RNF217: variants seen among roughly 807,000 people sequenced by gnomAD.
RNF217 encodes E3 ubiquitin-protein ligase RNF217.
RNF217 carries 31 observed loss-of-function variants against 57.8 expected under a neutral mutation model. The ratio of observed to expected loss-of-function variants is 0.54; its 90% CI spans 0.40 to 0.72. The LOEUF is 0.72. RNF217 is among the 30% of genes least tolerant of loss of function. The pLI is 0.00. For synonymous variants in RNF217, 313 were observed against 294.0 expected, an observed-to-expected ratio of 1.06 and a Z score of -0.66; for missense variants, 696 against 708.3, an observed-to-expected ratio of 0.98 and a Z score of 0.20.
At chr6:124,990,162 T>C (rs1306597470) in intron 1 of RNF217, among the ~76,000 whole-genome samples, 2 of 152,252 alleles carry the variant, frequency 1.3e-5, no homozygotes, top group African/African-American at 4.8e-5. Context: ...TTCATTTTCT[T>C]CATTCCACAC....
chr6:125,060,557 G>T (rs1427921826), intron 3 of RNF217, among the ~76,000 whole-genome samples: 1 of 152,062 alleles, frequency 6.6e-6, no homozygotes, highest in Non-Finnish European at 1.5e-5. Flanking sequence ...CAATTCTCAT[G>T]CCTCAGCCTC....
At chr6:125,048,229 G>A (rs752737638) in intron 2 of RNF217, 5 of 1,356,526 alleles carry the variant, frequency 3.7e-6, no homozygotes, top group South Asian at 3.5e-5. Flanking sequence ...CCTGTACTGA[G>A]ACTAAGATCT....
At chr6:125,078,215 G>A (rs946971088) in intron 4 of RNF217, among the ~76,000 whole-genome samples, 2 of 152,118 alleles carry the variant, frequency 1.3e-5, no homozygotes, top group African/African-American at 4.8e-5. Context: ...GATAACTAGG[G>A]AATCTAACCT....
At chr6:125,068,830 T>G (rs1315084101) in intron 3 of RNF217, among the ~76,000 whole-genome samples, 1 of 152,144 alleles carries the variant, frequency 6.6e-6, no homozygotes, top group Non-Finnish European at 1.5e-5. Flanking sequence ...ATGAGTAGTA[T>G]TCTTTGGAAA....
At chr6:125,021,588 A>G (rs942366391) in intron 1 of RNF217, among the ~76,000 whole-genome samples, 3 of 152,120 alleles carry the variant, frequency 2.0e-5, no homozygotes, top group Non-Finnish European at 4.4e-5. Flanking sequence ...CTTATGTTAC[A>G]TGGAAAAGCA....
At chr6:124,982,241 C>G (rs184322423) in intron 1 of RNF217, among the ~76,000 whole-genome samples, 174 of 152,158 alleles carry the variant, frequency 1.1e-3, no homozygotes, top group Non-Finnish European at 2.0e-3. Flanking sequence ...TCCTTTCACA[C>G]TCATATTCAT....
chr6:124,977,174 A>T (rs1430084251), intron 1 of RNF217, among the ~76,000 whole-genome samples: 1 of 152,252 alleles, frequency 6.6e-6, no homozygotes, highest in Non-Finnish European at 1.5e-5. Flanking sequence ...ATAAAACATT[A>T]ACACTTTCTG....
At chr6:125,028,035 T>C (rs936674340) in intron 1 of RNF217, among the ~76,000 whole-genome samples, 4 of 152,196 alleles carry the variant, frequency 2.6e-5, no homozygotes, top group African/African-American at 9.6e-5. Context: ...TAATTTCTTA[T>C]CAGAGGAGTA....
At chr6:124,971,423 A>G (rs1783753611) in intron 1 of RNF217, 3 of 273,430 alleles carry the variant, frequency 1.1e-5, no homozygotes, top group Non-Finnish European at 1.5e-5. Context: ...TAGGAAAGCT[A>G]TGATTTGATT....
chr6:125,050,533 T>C (rs982171886), intron 2 of RNF217, among the ~76,000 whole-genome samples: 2 of 151,994 alleles, frequency 1.3e-5, no homozygotes, highest in Non-Finnish European at 2.9e-5. Flanking sequence ...TCTCATGTGG[T>C]AAAAGAATTT....
chr6:124,978,749 C>G (rs140470814), intron 1 of RNF217, among the ~76,000 whole-genome samples: 110 of 152,276 alleles, frequency 7.2e-4, no homozygotes, highest in Middle Eastern at 3.4e-3. Flanking sequence ...CATTTGTTCT[C>G]ACTGCCCACA....
intron 1 of RNF217, among the ~76,000 whole-genome samples, chr6:125,041,915 G>T (rs1786897326): frequency 6.6e-6 from 1 of 151,800 alleles, no homozygotes; most frequent in South Asian, 2.1e-4. Flanking sequence ...CACCAAGAAA[G>T]TAAAAACACT....
intron 1 of RNF217, among the ~76,000 whole-genome samples, chr6:124,980,973 C>T (rs1582664862): frequency 6.6e-6 from 1 of 152,130 alleles, no homozygotes; most frequent in Admixed American, 6.6e-5. Context: ...TTTAGAAGAA[C>T]ATAAACTCTG....
intron 4 of RNF217, among the ~76,000 whole-genome samples, chr6:125,080,571 G>A (rs567332490): frequency 2.6e-5 from 4 of 151,932 alleles, no homozygotes; most frequent in Non-Finnish European, 4.4e-5. Context: ...CATTTGAGTT[G>A]TGCGGCCCTG....
At chr6:125,002,315 T>G (rs1785020582) in intron 1 of RNF217, among the ~76,000 whole-genome samples, 1 of 152,118 alleles carries the variant, frequency 6.6e-6, no homozygotes. Flanking sequence ...AAGGAAACCA[T>G]GACCTCAAGC....
chr6:125,009,396 T>A lies in RNF217; in HGVS notation c.883-35815T>A, dbSNP rs1367752531. On this transcript the variant is annotated intron_variant, in intron 1 of 5. Transcript: ENST00000521654. ...CAGACATAGAGCCTGGAAGAGTAGA[T>A]TTTTTCACTTTCCTTGAGTATAAGT... The A allele has an allele frequency of 1.1e-5, 7 of 652,072 alleles. No individual in the cohort carries two copies. In the East Asian group the frequency reaches 1.6e-4, roughly 15 times the overall value. The allele number at this position is 652,072 out of a possible 1,614,324, so 40.4% of individuals were successfully genotyped here. A position where few individuals can be genotyped will look rare whatever the true frequency, so the allele number is the denominator to read the frequency against.
intron 1 of RNF217, among the ~76,000 whole-genome samples, chr6:125,000,132 A>G (rs1007414502): frequency 1.4e-4 from 21 of 152,208 alleles, no homozygotes; most frequent in South Asian, 1.0e-3. Flanking sequence ...CTGAATTTAC[A>G]TCTCTGTTTA....
At chr6:125,008,394 T>G (rs1463620502) in intron 1 of RNF217, among the ~76,000 whole-genome samples, 1 of 152,200 alleles carries the variant, frequency 6.6e-6, no homozygotes, top group African/African-American at 2.4e-5. Flanking sequence ...ACTTCTGTAC[T>G]TAGAAAGAAG....
intron 1 of RNF217, among the ~76,000 whole-genome samples, chr6:125,007,643 A>C (rs982334879): frequency 6.6e-6 from 1 of 152,110 alleles, no homozygotes; most frequent in Non-Finnish European, 1.5e-5. Context: ...GTTTGTGGTG[A>C]CTAATGCTTC....
Sources: allele counts gnomAD v4.1 joint callset (sites outside exome capture counted in the v4.1 genomes callset), GRCh38; gene constraint gnomAD v4.1.1; transcripts MANE v1.5; gene names NCBI Gene and HGNC (gene_info 2026-07-23, HGNC 2026-07-21).